The following COL24A1 variants were observed in gnomAD, a reference collection of about 807,000 sequenced individuals.
COL24A1 encodes collagen alpha-1(XXIV) chain.
In COL24A1, 224 loss-of-function variants were observed where a neutral mutation model predicts 253.9. The observed-to-expected ratio is 0.88, with a 90% confidence interval of 0.79 to 0.99. The LOEUF is 0.99. COL24A1 is among the 50% of genes least tolerant of loss of function. The pLI, the probability that COL24A1 is intolerant of heterozygous loss-of-function variation, is 0.00. For missense variants in COL24A1, 2,131 were observed against 2,068.5 expected (o/e 1.03, Z -0.59); for synonymous variants, 685 against 673.7 (o/e 1.02, Z -0.26).
At chr1:86,138,339 T>C (rs141443019) in intron 2 of COL24A1, among the ~76,000 whole-genome samples, 16 of 152,276 alleles carry the variant, frequency 1.1e-4, no homozygotes, top group Non-Finnish European at 2.1e-4. Flanking sequence ...AACTTGAAGC[T>C]AGTGTCAGAA....
intron 12 of COL24A1, among the ~76,000 whole-genome samples, chr1:86,035,803 A>T (rs1482148184): frequency 1.3e-5 from 2 of 152,078 alleles, no homozygotes; most frequent in East Asian, 3.8e-4. Flanking sequence ...TTGGGAATTC[A>T]CTCAGGATTG....
chr1:86,124,705 C>G, intron 3 of COL24A1, 140 bp downstream of exon 3: 1 of 555,452 alleles, frequency 1.8e-6, no homozygotes, highest in South Asian at 4.7e-5. Flanking sequence ...AATTCATTTA[C>G]TGTGCCAGAA....
chr1:86,141,365 G>T (rs938465826), intron 2 of COL24A1, among the ~76,000 whole-genome samples: 1 of 152,146 alleles, frequency 6.6e-6, no homozygotes, highest in East Asian at 1.9e-4. Context: ...GAGACCAAAG[G>T]TTAATGACAT....
chr1:85,828,437 G>A (rs1306802427), intron 43 of COL24A1, among the ~76,000 whole-genome samples: 3 of 151,236 alleles, frequency 2.0e-5, no homozygotes, highest in African/African-American at 7.3e-5. Flanking sequence ...TGTCTATTAG[G>A]TCTGCTTGGT....
intron 19 of COL24A1, among the ~76,000 whole-genome samples, chr1:86,013,934 T>C (rs1696769243): frequency 6.6e-6 from 1 of 152,212 alleles, no homozygotes; most frequent in African/African-American, 2.4e-5. Flanking sequence ...ACTCTCTCAC[T>C]TACTTTTCAA....
intron 53 of COL24A1, among the ~76,000 whole-genome samples, chr1:85,770,158 G>T (rs1015960165): frequency 6.6e-6 from 1 of 152,128 alleles, no homozygotes; most frequent in South Asian, 2.1e-4. Context: ...CTGAGAAAAG[G>T]TGAGGATCAC....
intron 1 of COL24A1, among the ~76,000 whole-genome samples, chr1:86,147,702 T>C (rs1479354954): frequency 1.3e-5 from 2 of 152,242 alleles, no homozygotes; most frequent in Non-Finnish European, 2.9e-5. Context: ...GTGATTCTAG[T>C]GCAGATTGTA....
At chr1:85,851,991 C>G (rs1478450513) in intron 37 of COL24A1, among the ~76,000 whole-genome samples, 1 of 152,150 alleles carries the variant, frequency 6.6e-6, no homozygotes, top group Non-Finnish European at 1.5e-5. Context: ...CTTCCCCTTT[C>G]CTTATAAGGT....
At chr1:86,128,625 G>C (rs1648688195) in intron 2 of COL24A1, among the ~76,000 whole-genome samples, 1 of 151,850 alleles carries the variant, frequency 6.6e-6, no homozygotes, top group Non-Finnish European at 1.5e-5. Context: ...TCATTGGGAG[G>C]AGTATTATTT....
intron 7 of COL24A1, among the ~76,000 whole-genome samples, chr1:86,078,573 C>G (rs899024534): frequency 5.3e-5 from 8 of 152,028 alleles, no homozygotes; most frequent in Non-Finnish European, 1.2e-4. Flanking sequence ...ATTCCACCAA[C>G]AAAACAAAAC....
chr1:85,730,938 G>A (rs1010701801), intron 59 of COL24A1, among the ~76,000 whole-genome samples: 57 of 152,296 alleles, frequency 3.7e-4, no homozygotes, highest in African/African-American at 1.3e-3. Flanking sequence ...CCAGGCTTCT[G>A]CTTCAACTGT....
intron 7 of COL24A1, among the ~76,000 whole-genome samples, chr1:86,084,996 G>A (rs886221166): frequency 6.6e-6 from 1 of 152,190 alleles, no homozygotes; most frequent in Admixed American, 6.5e-5. Flanking sequence ...GGAATAATAA[G>A]CCAGTGAGAG....
chr1:85,853,878 T>C (rs907250873), intron 37 of COL24A1, among the ~76,000 whole-genome samples: 4 of 152,166 alleles, frequency 2.6e-5, no homozygotes, highest in African/African-American at 9.7e-5. Context: ...CTTTGTTGGA[T>C]GCATAATTTG....
chr1:85,945,017 T>TTTTTG (rs1689165446), intron 24 of COL24A1, among the ~76,000 whole-genome samples: 9 of 92,742 alleles, frequency 9.7e-5, no homozygotes, highest in South Asian at 5.3e-4. Context: ...TTTTTTTTTT[T>TTTTTG]TTTTTTTTTT....
chr1:85,953,803 A>G (rs1690165919), intron 24 of COL24A1, among the ~76,000 whole-genome samples: 1 of 152,190 alleles, frequency 6.6e-6, no homozygotes. Context: ...CATATACAGA[A>G]TTACATTGAA....
intron 24 of COL24A1, among the ~76,000 whole-genome samples, chr1:85,924,535 T>C (rs1484165047): frequency 6.6e-6 from 1 of 152,122 alleles, no homozygotes; most frequent in Non-Finnish European, 1.5e-5. Context: ...TCAATAAACA[T>C]AATCCATCAC....
chr1:86,036,126 T>A (rs1347252808), intron 12 of COL24A1, among the ~76,000 whole-genome samples: 12 of 152,118 alleles, frequency 7.9e-5, no homozygotes, highest in Admixed American at 7.9e-4. Flanking sequence ...ATATCTACTT[T>A]AAATTTTTAA....
Position 85,927,510 on chromosome 1 carries a change from C to T in COL24A1, c.2563-16077G>A, listed in dbSNP as rs551201806. On this transcript the variant is annotated intron_variant, in intron 24 of 59. Transcript: ENST00000370571. The stretch of plus-strand genomic sequence containing the variant: ...GGCGGCAACGAGGCTGGGGGAGGGG[C>T]GCCCGCCATTGCCCAGGCTTGCTTA... Among the ~76,000 whole-genome samples, 73 of 129,564 alleles carry T rather than the reference C, an allele frequency of 5.6e-4. No homozygotes were observed. The Middle Eastern group carries it at 0.019, about 33-fold the overall frequency. The allele number at this position is 129,564 out of a possible 152,430, so 85.0% of individuals were successfully genotyped here. A position where few individuals can be genotyped will look rare whatever the true frequency, so the allele number is the denominator to read the frequency against.
intron 55 of COL24A1, among the ~76,000 whole-genome samples, chr1:85,757,417 T>G (rs543062185): frequency 4.2e-4 from 64 of 152,240 alleles, no homozygotes; most frequent in Middle Eastern, 3.4e-3. Context: ...TCACAGGATA[T>G]TCTTAGTTGG....
Sources: allele counts gnomAD v4.1 joint callset (sites outside exome capture counted in the v4.1 genomes callset), GRCh38; gene constraint gnomAD v4.1.1; transcripts MANE v1.5; gene names NCBI Gene and HGNC (gene_info 2026-07-23, HGNC 2026-07-21).